TBC1D14: variants seen among roughly 807,000 people sequenced by gnomAD.
TBC1D14 encodes the protein TBC1 domain family, member 14.
TBC1D14 carries 26 observed loss-of-function variants against 79.0 expected under a neutral mutation model. That is an observed-to-expected ratio of 0.33 (90% CI 0.24 to 0.46). TBC1D14 has a LOEUF of 0.46. TBC1D14 is among the 20% of genes least tolerant of loss of function. The pLI is 1.00. For missense variants in TBC1D14, 769 were observed against 887.6 expected, an observed-to-expected ratio of 0.87 and a Z score of 1.70; for synonymous variants, 394 against 349.9, an observed-to-expected ratio of 1.13 and a Z score of -1.40.
chr4:6,951,415 C>T (rs1416547021), intron 2 of TBC1D14, among the ~76,000 whole-genome samples: 1 of 152,130 alleles, frequency 6.6e-6, no homozygotes, highest in African/African-American at 2.4e-5. Flanking sequence ...CCTGCAATCC[C>T]ACCTACTCCA....
At chr4:6,967,177 A>C in intron 2 of TBC1D14, 127 bp from the exon 3 acceptor site, 1 of 1,231,562 alleles carries the variant, frequency 8.1e-7, no homozygotes, top group Non-Finnish European at 1.1e-6. Flanking sequence ...ATGAAAATCA[A>C]GTCTGAAGAA....
Position 6,964,239 on chromosome 4 carries a change from C to T in TBC1D14, c.723-3065C>T, listed in dbSNP as rs376087148. Among the ~76,000 whole-genome samples the T allele has an allele frequency of 2.3e-4, 35 of 152,310 alleles. No homozygotes were observed. The East Asian group carries it at 6.2e-3, about 27-fold the overall frequency. On this transcript the variant is annotated intron_variant, in intron 2 of 13. Transcript: ENST00000409757. ...CCCGTTTCAGTGAATAACACTCCAG[C>T]TTGTGCTCAACCTTCCAGACCACGA...
Position 6,934,914 on chromosome 4 carries a change from CA to C in TBC1D14, c.722+10810del, listed in dbSNP as rs113535334. 4.0e-3 allele frequency among the ~76,000 whole-genome samples: 615 copies of C among 152,030 alleles called. 3 individuals carry two copies. Among genetic ancestry groups the C allele is most frequent in the African/African-American group, 0.014 (577 of 41,446 alleles). ...GCAAAATAGTGAGACCCCATCTCTACAAAAAAATAGAAAAAATTATCTGGGT... is the reference window on the plus strand; with the variant it reads ...GCAAAATAGTGAGACCCCATCTCTACAAAAAATAGAAAAAATTATCTGGGT... On this transcript the variant is annotated intron_variant, in intron 2 of 13. Transcript: ENST00000409757.
At chr4:7,028,095 C>T (rs1412641142) in intron 13 of TBC1D14, among the ~76,000 whole-genome samples, 1 of 147,702 alleles carries the variant, frequency 6.8e-6, no homozygotes, top group Non-Finnish European at 1.5e-5. Flanking sequence ...CCCACATACA[C>T]CTATCACAGC....
At position 7,028,436 on chromosome 4, in the gene TBC1D14, T is replaced by G. The variant is rs1438640197; in HGVS notation, c.2017-1891T>G. Among the ~76,000 whole-genome samples, 9 of 151,710 alleles carry G rather than the reference T, an allele frequency of 5.9e-5. 1 individual carries two copies. The highest frequency in any genetic ancestry group is 1.9e-4 in the African/African-American group (8 of 41,328). ...ACGTGCTGTCAGTTTTTTGTTTGTTTTTTTTTTGAGACGGAGTCTCCACCC... is the reference window on the plus strand; with the variant it reads ...ACGTGCTGTCAGTTTTTTGTTTGTTGTTTTTTTGAGACGGAGTCTCCACCC... On this transcript the variant is annotated intron_variant, in intron 13 of 13. Transcript: ENST00000409757.
chr4:6,999,214 C>T lies in TBC1D14; in HGVS notation c.1163+12C>T. ...AACTGGGAAACAATGTAAGATGTGGCTCTGGGTGTGGCTGAACTGCAGAGC... is the reference window on the plus strand; with the variant it reads ...AACTGGGAAACAATGTAAGATGTGGTTCTGGGTGTGGCTGAACTGCAGAGC... On this transcript the variant is annotated intron_variant, in intron 6 of 13. Coordinates refer to ENST00000409757, the MANE Select transcript of TBC1D14 (RefSeq NM_020773.3). The T allele has an allele frequency of 6.2e-7, 1 of 1,605,870 alleles. No individual in the cohort carries two copies. The highest frequency in any genetic ancestry group is 8.5e-7 in the Non-Finnish European group (1 of 1,172,740).
rs141661125 is a variant in TBC1D14 at position 6,976,470 on chromosome 4, A to G, written c.843+9046A>G. On this transcript the variant is annotated intron_variant, in intron 3 of 13. Coordinates refer to ENST00000409757, the MANE Select transcript of TBC1D14 (RefSeq NM_020773.3). ...ATACTTATTGGGGAATAACAATTTG[A>G]CTGAATTTCTCATCAGAAACCGTGG... Among the ~76,000 whole-genome samples, 1,266 of 152,360 alleles carry G rather than the reference A, an allele frequency of 8.3e-3. 30 individuals carry two copies. The highest frequency in any genetic ancestry group is 7.2e-3 in the Non-Finnish European group (487 of 68,034).
chr4:7,013,837 G>A (rs901407070), intron 11 of TBC1D14, among the ~76,000 whole-genome samples: 7 of 151,976 alleles, frequency 4.6e-5, no homozygotes, highest in East Asian at 1.9e-4. Flanking sequence ...TCCGCCTCCC[G>A]GGTTCACGCC....
chr4:7,000,719 C>G (rs1560331485), intron 6 of TBC1D14, among the ~76,000 whole-genome samples: 1 of 152,204 alleles, frequency 6.6e-6, no homozygotes. Context: ...TGACTCTCTG[C>G]TGGGGTCTGC....
chr4:7,028,897 G>A (rs1722754948), intron 13 of TBC1D14, among the ~76,000 whole-genome samples: 1 of 151,350 alleles, frequency 6.6e-6, no homozygotes, highest in Non-Finnish European at 1.5e-5. Context: ...GAGTGCAGTG[G>A]TGCGATCACA....
Position 7,029,829 on chromosome 4 carries a change from A to T in TBC1D14, c.2017-498A>T. On this transcript the variant is annotated intron_variant, in intron 13 of 13. Coordinates refer to ENST00000409757, the MANE Select transcript of TBC1D14 (RefSeq NM_020773.3). ...GACAGAGCGAGACTCCATCTCAAAA[A>T]GAAGAAAAAGAAGGATGTTGACCAA... Among the ~76,000 whole-genome samples the T allele has an allele frequency of 1.3e-5, 2 of 152,208 alleles. 1 individual carries two copies. Among genetic ancestry groups the T allele is most frequent in the Non-Finnish European group, 2.9e-5 (2 of 68,042 alleles).
chr4:6,957,482 G>T (rs1714750627), intron 2 of TBC1D14, among the ~76,000 whole-genome samples: 1 of 152,212 alleles, frequency 6.6e-6, no homozygotes, highest in Admixed American at 6.5e-5. Context: ...AAGGTGTTTT[G>T]TTTCTGTGTT....
chr4:6,948,291 C>G (rs962246686), intron 2 of TBC1D14, among the ~76,000 whole-genome samples: 1 of 152,238 alleles, frequency 6.6e-6, no homozygotes, highest in Admixed American at 6.5e-5. Flanking sequence ...AACCACTGTT[C>G]TGACTCTGTC....
Position 6,996,651 on chromosome 4 carries a change from C to G in TBC1D14, c.1045+244C>G, listed in dbSNP as rs564072595. On this transcript the variant is annotated intron_variant, in intron 5 of 13. Coordinates refer to ENST00000409757, the MANE Select transcript of TBC1D14 (RefSeq NM_020773.3). ...TGTTGAGGCAGGCAGAGGGGAGAAG[C>G]GGTGAGACCGCAGGGTTTGCTGGGA... Among the ~76,000 whole-genome samples, 3 of 152,288 alleles carry G rather than the reference C, an allele frequency of 2.0e-5. 1 individual carries two copies. In the East Asian group the frequency reaches 5.8e-4, roughly 29 times the overall value.
chr4:7,010,316 C>T (rs1398137771), intron 10 of TBC1D14, among the ~76,000 whole-genome samples: 1 of 152,140 alleles, frequency 6.6e-6, no homozygotes, highest in Non-Finnish European at 1.5e-5. Flanking sequence ...TGATATTAAG[C>T]TTATTGAGAT....
At chr4:6,980,077 G>A (rs946606682) in intron 3 of TBC1D14, among the ~76,000 whole-genome samples, 1 of 152,062 alleles carries the variant, frequency 6.6e-6, no homozygotes, top group Non-Finnish European at 1.5e-5. Flanking sequence ...ATAGAACACA[G>A]CACCCTCCAG....
At chr4:6,944,846 G>T (rs920103486) in intron 2 of TBC1D14, among the ~76,000 whole-genome samples, 1 of 152,168 alleles carries the variant, frequency 6.6e-6, no homozygotes, top group Admixed American at 6.5e-5. Context: ...ACTATCCCCG[G>T]GGCAGAGGTG....
At chr4:7,006,253 G>A (rs1242226651) in intron 8 of TBC1D14, among the ~76,000 whole-genome samples, 3 of 150,866 alleles carry the variant, frequency 2.0e-5, no homozygotes, top group Admixed American at 2.0e-4. Flanking sequence ...CACTGAAGAT[G>A]TTTGAGATCG....
intron 13 of TBC1D14, among the ~76,000 whole-genome samples, chr4:7,028,007 C>G (rs981665769): frequency 7.0e-6 from 1 of 143,018 alleles, no homozygotes; most frequent in African/African-American, 2.6e-5. Flanking sequence ...TACACATCAC[C>G]CCACACACAC....
Sources: allele counts gnomAD v4.1 joint callset (sites outside exome capture counted in the v4.1 genomes callset), GRCh38; gene constraint gnomAD v4.1.1; transcripts MANE v1.5; gene names NCBI Gene and HGNC (gene_info 2026-07-23, HGNC 2026-07-21).